RFX3: variants seen among roughly 807,000 people sequenced by gnomAD.
RFX3 encodes regulatory factor X3, also known as transcription factor RFX3.
In RFX3, 14 loss-of-function variants were observed where a neutral mutation model predicts 98.6. The observed-to-expected ratio is 0.14, with a 90% CI of 0.09 to 0.22. The LOEUF (loss-of-function observed/expected upper bound fraction) is 0.22. Ranked by LOEUF, RFX3 falls within the 10% of genes least tolerant of loss-of-function variation. RFX3 has a pLI of 1.00. For missense variants in RFX3, 639 were observed against 926.9 expected, an observed-to-expected ratio of 0.69 and a Z score of 4.03; for synonymous variants, 383 against 328.4, an observed-to-expected ratio of 1.17 and a Z score of -1.80.
At chr9:3,520,271 C>G (rs1024006832) in intron 1 of RFX3, among the ~76,000 whole-genome samples, 2 of 152,200 alleles carry the variant, frequency 1.3e-5, no homozygotes, top group African/African-American at 4.8e-5. Context: ...ACATGAACTA[C>G]TATGCCTTGT....
chr9:3,239,067 T>C (rs1318782404), intron 15 of RFX3, among the ~76,000 whole-genome samples: 1 of 151,650 alleles, frequency 6.6e-6, no homozygotes, highest in Non-Finnish European at 1.5e-5. Flanking sequence ...CTATTCTGGA[T>C]GTTTTTGATG....
At position 3,377,789 on chromosome 9, in the gene RFX3, T is replaced by C. The variant is rs533315788; in HGVS notation, c.117+17683A>G. On this transcript the variant is annotated intron_variant, in intron 2 of 16. Coordinates refer to ENST00000617270, the MANE Select transcript of RFX3 (RefSeq NM_001282116.2). ...GTTCTGTATTTTGACTTTGGTGATGTTTATACAGGTATATATGTTTGCCAA... is the reference window on the plus strand; with the variant it reads ...GTTCTGTATTTTGACTTTGGTGATGCTTATACAGGTATATATGTTTGCCAA... Among the ~76,000 whole-genome samples the C allele has an allele frequency of 3.3e-5, 5 of 152,292 alleles. No individual in the cohort carries two copies. The South Asian group carries it at 8.3e-4, about 25-fold the overall frequency.
rs942826409 is a variant in RFX3 at position 3,434,707 on chromosome 9, A to G, written c.-8-39111T>C. Among the ~76,000 whole-genome samples, 10 of 152,030 alleles carry G rather than the reference A, an allele frequency of 6.6e-5. No individual in the cohort carries two copies. In the East Asian group the frequency reaches 1.5e-3, roughly 23 times the overall value. On this transcript the variant is annotated intron_variant, in intron 1 of 16. Transcript: ENST00000617270. Reference sequence around the variant, plus strand: ...CTCCCCACCCTCCTTCTGCACTCCAAATGCCAGTTCTCTAGCTCAGCCATG... The same window carrying G: ...CTCCCCACCCTCCTTCTGCACTCCAGATGCCAGTTCTCTAGCTCAGCCATG...
At chr9:3,306,692 T>C (rs939370692) in intron 4 of RFX3, among the ~76,000 whole-genome samples, 5 of 151,494 alleles carry the variant, frequency 3.3e-5, no homozygotes, top group African/African-American at 1.2e-4. Flanking sequence ...ATGGCACATG[T>C]ATACATATGT....
At chr9:3,299,765 C>CT (rs1828425683) in intron 5 of RFX3, among the ~76,000 whole-genome samples, 1 of 151,678 alleles carries the variant, frequency 6.6e-6, no homozygotes, top group African/African-American at 2.4e-5. Flanking sequence ...TTAAAAATCT[C>CT]TAACAGTTGA....
At chr9:3,521,156 A>G (rs931755587) in intron 1 of RFX3, among the ~76,000 whole-genome samples, 20 of 152,244 alleles carry the variant, frequency 1.3e-4, no homozygotes, top group African/African-American at 3.9e-4. Flanking sequence ...ATGAAATTTA[A>G]GAAGTATAAA....
chr9:3,355,088 GA>G (rs957034585), intron 2 of RFX3, among the ~76,000 whole-genome samples: 45 of 150,978 alleles, frequency 3.0e-4, no homozygotes, highest in South Asian at 1.0e-3. Context: ...GAATACTAAA[GA>G]AAAAAATAAT....
chr9:3,470,682 T>C (rs193277884), intron 1 of RFX3, among the ~76,000 whole-genome samples: 2 of 152,282 alleles, frequency 1.3e-5, no homozygotes, highest in East Asian at 1.9e-4. Flanking sequence ...TTCTCTGACA[T>C]GGCTTTACAT....
intron 1 of RFX3, among the ~76,000 whole-genome samples, chr9:3,478,136 C>G (rs1458792517): frequency 6.6e-6 from 1 of 152,080 alleles, no homozygotes; most frequent in Non-Finnish European, 1.5e-5. Flanking sequence ...AAAATCTAGG[C>G]TCCCACAGGG....
At position 3,330,454 on chromosome 9, in the gene RFX3, G is replaced by A. The variant is rs1286656287; in HGVS notation, c.279C>T (p.Tyr93=). ...QMYSQNTGGN[Y]FDTQGSSAQV... ...GGGCGGAACTCCCTTGAGTATCAAA[G>A]TAATTCCCTCCAGTATTTTGGCTGT... Residue 93 remains tyrosine (Y), a synonymous_variant, in exon 4 of 17, where the codon TAC becomes TAT. Transcript: ENST00000617270. 1 of 1,614,060 alleles carries A rather than the reference G, an allele frequency of 6.2e-7. No homozygotes were observed. Among genetic ancestry groups the A allele is most frequent in the East Asian group, 2.2e-5 (1 of 44,872 alleles).
chr9:3,401,723 T>A (rs140147502), intron 1 of RFX3, among the ~76,000 whole-genome samples: 67 of 152,294 alleles, frequency 4.4e-4, no homozygotes, highest in Non-Finnish European at 7.9e-4. Context: ...AACAGATGCT[T>A]GTTTGACAAA....
In RFX3 at chr9:3,454,054, T is replaced by G. The variant is rs201978425; in HGVS notation, c.-8-58458A>C. On this transcript the variant is annotated intron_variant, in intron 1 of 16. Coordinates refer to ENST00000617270, the MANE Select transcript of RFX3 (RefSeq NM_001282116.2). Reference sequence around the variant, plus strand: ...TTAGCTGTTTAAATGGATATTTGAGTGGATTTTGTGTGCACAAATATGTGA... The same window carrying G: ...TTAGCTGTTTAAATGGATATTTGAGGGGATTTTGTGTGCACAAATATGTGA... Among the ~76,000 whole-genome samples, 68 of 152,282 alleles carry G rather than the reference T, an allele frequency of 4.5e-4. 1 individual carries two copies. In the East Asian group the frequency reaches 8.9e-3, roughly 20 times the overall value.
At chr9:3,392,981 A>G (rs1840465228) in intron 2 of RFX3, among the ~76,000 whole-genome samples, 1 of 126,558 alleles carries the variant, frequency 7.9e-6, no homozygotes, top group Non-Finnish European at 1.6e-5. Context: ...TGAGACATGA[A>G]ATTATTGTTT....
intron 3 of RFX3, among the ~76,000 whole-genome samples, chr9:3,342,357 A>T (rs1463991929): frequency 6.6e-6 from 1 of 152,148 alleles, no homozygotes; most frequent in African/African-American, 2.4e-5. Context: ...CTCTTAAGGG[A>T]CTAATGTACA....
chr9:3,393,212 G>C (rs183357042), intron 2 of RFX3, among the ~76,000 whole-genome samples: 7 of 152,194 alleles, frequency 4.6e-5, no homozygotes, highest in African/African-American at 1.7e-4. Flanking sequence ...AGAATAACAG[G>C]TTTAAAGAGG....
At chr9:3,506,112 C>G (rs1246896482) in intron 1 of RFX3, among the ~76,000 whole-genome samples, 1 of 151,296 alleles carries the variant, frequency 6.6e-6, no homozygotes, top group Non-Finnish European at 1.5e-5. Flanking sequence ...TCACAAACGG[C>G]ACTAAATTCA....
chr9:3,288,117 A>G lies in RFX3; in HGVS notation c.851+14T>C. Reference sequence around the variant, plus strand: ...ACATAGCTTGGACACATCAATGATAACTTCAGAGTCTACCTTTGTTTCTGT... The same window carrying G: ...ACATAGCTTGGACACATCAATGATAGCTTCAGAGTCTACCTTTGTTTCTGT... On this transcript the variant is annotated intron_variant, in intron 7 of 16. Transcript: ENST00000617270. The G allele has an allele frequency of 6.2e-7, 1 of 1,612,016 alleles. No individual in the cohort carries two copies. The highest frequency in any genetic ancestry group is 8.5e-7 in the Non-Finnish European group (1 of 1,178,494).
rs763964933 is a variant in RFX3 at position 3,319,270 on chromosome 9, T to C, written c.474+10989A>G. Among the ~76,000 whole-genome samples, 55 of 151,332 alleles carry C rather than the reference T, an allele frequency of 3.6e-4. 1 individual carries two copies. Among genetic ancestry groups the C allele is most frequent in the African/African-American group, 1.1e-3 (45 of 40,622 alleles). Reference sequence around the variant, plus strand: ...CCCACACTGACTGAATCGAAAGTCATTGGGGTGAGATCCAGAGATGTGTTT... The same window carrying C: ...CCCACACTGACTGAATCGAAAGTCACTGGGGTGAGATCCAGAGATGTGTTT... On this transcript the variant is annotated intron_variant, in intron 4 of 16. Transcript: ENST00000617270.
chr9:3,292,404 T>C (rs982822954), intron 6 of RFX3, among the ~76,000 whole-genome samples: 2 of 152,178 alleles, frequency 1.3e-5, no homozygotes, highest in Non-Finnish European at 2.9e-5. Context: ...CTTCTTCACA[T>C]TGTTTCAATT....
Sources: gnomAD v4.1 joint callset for allele counts (sites outside exome capture counted in the v4.1 genomes callset) on GRCh38, gnomAD v4.1.1 for gene constraint, MANE v1.5 for transcripts, NCBI Gene and HGNC (gene_info 2026-07-23, HGNC 2026-07-21) for gene names.